Variants in PHF21B observed in about 807,000 individuals in gnomAD.
PHF21B encodes PHD finger protein 4.
Under a neutral mutation model 62.2 loss-of-function variants are expected in PHF21B, and 22 were observed. The observed-to-expected ratio is 0.35, with a 90% confidence interval of 0.25 to 0.51. PHF21B has a LOEUF of 0.51. Among genes scored for constraint, PHF21B ranks in the 20% least tolerant of loss-of-function variants. PHF21B has a pLI of 0.97. For missense variants in PHF21B, 701 were observed against 707.9 expected, an observed-to-expected ratio of 0.99 and a Z score of 0.11; for synonymous variants, 341 against 314.7, an observed-to-expected ratio of 1.08 and a Z score of -0.88.
intron 2 of PHF21B, among the ~76,000 whole-genome samples, chr22:44,997,651 T>A (rs1470641022): frequency 6.6e-6 from 1 of 152,260 alleles, no homozygotes; most frequent in Non-Finnish European, 1.5e-5. Context: ...TATATATTTT[T>A]AATTACATTT....
intron 2 of PHF21B, among the ~76,000 whole-genome samples, chr22:44,947,059 G>C (rs1012129990): frequency 2.0e-5 from 3 of 152,218 alleles, no homozygotes; most frequent in Non-Finnish European, 2.9e-5. Context: ...CCTGTTAAAC[G>C]TGAGAAAACC....
intron 5 of PHF21B, among the ~76,000 whole-genome samples, chr22:44,908,219 G>A (rs1381427714): frequency 1.3e-5 from 2 of 152,174 alleles, no homozygotes; most frequent in Admixed American, 1.3e-4. Flanking sequence ...TGCAGACTCT[G>A]AGGCCAGAAG....
chr22:44,940,514 A>C (rs555254911), intron 2 of PHF21B, among the ~76,000 whole-genome samples: 1 of 152,364 alleles, frequency 6.6e-6, no homozygotes, highest in South Asian at 2.1e-4. Flanking sequence ...GGACAACTGA[A>C]AGGGATCAGG....
intron 4 of PHF21B, among the ~76,000 whole-genome samples, chr22:44,914,735 C>A (rs527845903): frequency 1.1e-3 from 164 of 152,290 alleles, no homozygotes; most frequent in Non-Finnish European, 1.9e-3. Flanking sequence ...TCTTCAGATG[C>A]CACCCTGCAG....
At chr22:44,968,499 C>G (rs1056697592) in intron 2 of PHF21B, among the ~76,000 whole-genome samples, 2 of 152,052 alleles carry the variant, frequency 1.3e-5, no homozygotes, top group Non-Finnish European at 2.9e-5. Context: ...CAAAAAGTAG[C>G]CGAGCGTGGT....
intron 2 of PHF21B, among the ~76,000 whole-genome samples, chr22:44,994,902 C>G (rs902027277): frequency 3.9e-5 from 6 of 152,268 alleles, no homozygotes; most frequent in Non-Finnish European, 7.3e-5. Flanking sequence ...GGGCGAGAAT[C>G]AGCAGACCTG....
chr22:45,007,125 GA>G (rs2147548958), intron 2 of PHF21B, among the ~76,000 whole-genome samples: 1 of 150,848 alleles, frequency 6.6e-6, no homozygotes, highest in East Asian at 2.0e-4. Context: ...GGCACCAACT[GA>G]AAAGGGTTAG....
intron 2 of PHF21B, among the ~76,000 whole-genome samples, chr22:44,941,477 T>G (rs917964990): frequency 2.0e-5 from 3 of 152,158 alleles, no homozygotes; most frequent in Non-Finnish European, 1.5e-5. Context: ...GGTTTTAATC[T>G]CCACTGCTTA....
At chr22:44,967,503 G>A (rs1394112252) in intron 2 of PHF21B, among the ~76,000 whole-genome samples, 1 of 152,184 alleles carries the variant, frequency 6.6e-6, no homozygotes, top group Non-Finnish European at 1.5e-5. Context: ...TTACAGGCGT[G>A]AGCCACTGTG....
chr22:44,969,628 T>C (rs2072598400), intron 2 of PHF21B, among the ~76,000 whole-genome samples: 1 of 151,914 alleles, frequency 6.6e-6, no homozygotes, highest in African/African-American at 2.4e-5. Flanking sequence ...ATCACGCCAC[T>C]GCACTCCAGC....
chr22:44,895,780 T>C (rs895580085), intron 6 of PHF21B, among the ~76,000 whole-genome samples: 1 of 152,210 alleles, frequency 6.6e-6, no homozygotes, highest in African/African-American at 2.4e-5. Flanking sequence ...AAGGCTTCTC[T>C]GTCTTGTTCG....
chr22:44,974,141 C>A lies in PHF21B; in HGVS notation c.120+34404G>T, dbSNP rs894171245. 4.6e-5 allele frequency among the ~76,000 whole-genome samples: 7 copies of A among 152,094 alleles called. No homozygotes were observed. In the East Asian group the frequency reaches 1.3e-3, roughly 29 times the overall value. On this transcript the variant is annotated intron_variant, in intron 2 of 12. Transcript: ENST00000313237. ...GTAAACGTGCATATGCGGCCAGGTG[C>A]GGTGGCTCACGTCTGTAATCCCAAC...
intron 5 of PHF21B, chr22:44,901,952 G>A (rs1264422955): frequency 4.7e-6 from 1 of 212,560 alleles, no homozygotes; most frequent in East Asian, 1.1e-4. Flanking sequence ...GGAAGCTATT[G>A]AGCCATGGCA....
intron 5 of PHF21B, among the ~76,000 whole-genome samples, chr22:44,900,204 T>C (rs2071132771): frequency 6.6e-6 from 1 of 152,194 alleles, no homozygotes; most frequent in Non-Finnish European, 1.5e-5. Flanking sequence ...TAAATATATT[T>C]GATGCTCACC....
chr22:44,946,982 G>A (rs1467672546), intron 2 of PHF21B, among the ~76,000 whole-genome samples: 1 of 152,220 alleles, frequency 6.6e-6, no homozygotes. Context: ...CCGTTTAAGG[G>A]GGCTGCGGCC....
At chr22:44,920,370 C>T (rs199549782) in intron 3 of PHF21B, 28 bp downstream of exon 3, 19 of 1,571,424 alleles carry the variant, frequency 1.2e-5, no homozygotes, top group Non-Finnish European at 1.6e-5. Flanking sequence ...CAGACGGACA[C>T]CCCAGGGCCC....
At chr22:44,979,088 G>A (rs1278193590) in intron 2 of PHF21B, among the ~76,000 whole-genome samples, 1 of 152,220 alleles carries the variant, frequency 6.6e-6, no homozygotes, top group African/African-American at 2.4e-5. Flanking sequence ...TCGCTGCCAC[G>A]TGGCTCAGGC....
At chr22:44,904,497 C>G (rs1468990414) in intron 5 of PHF21B, among the ~76,000 whole-genome samples, 4 of 152,134 alleles carry the variant, frequency 2.6e-5, no homozygotes, top group Admixed American at 2.0e-4. Flanking sequence ...TGAAAAACAA[C>G]TTAACTGAGC....
chr22:45,003,946 C>T (rs2073265712), intron 2 of PHF21B, among the ~76,000 whole-genome samples: 1 of 152,102 alleles, frequency 6.6e-6, no homozygotes, highest in Non-Finnish European at 1.5e-5. Context: ...ATAGCATAAT[C>T]ATACTATATA....
Sources: gnomAD v4.1 joint callset for allele counts (sites outside exome capture counted in the v4.1 genomes callset) on GRCh38, gnomAD v4.1.1 for gene constraint, MANE v1.5 for transcripts, NCBI Gene and HGNC (gene_info 2026-07-23, HGNC 2026-07-21) for gene names.